The following PDIA4 variants were observed in gnomAD, a reference collection of about 807,000 sequenced individuals.
PDIA4 encodes the protein protein disulfide isomerase family A member 4, also known as protein disulfide-isomerase A4.
Under a neutral mutation model 62.1 loss-of-function variants are expected in PDIA4, and 33 were observed. The ratio of observed to expected loss-of-function variants is 0.53; its 90% CI spans 0.40 to 0.71. The LOEUF (loss-of-function observed/expected upper bound fraction) is 0.71, where lower values mean the gene tolerates loss of function less well. Among genes scored for constraint, PDIA4 ranks in the 30% least tolerant of loss-of-function variants. The pLI, the probability that PDIA4 is intolerant of heterozygous loss-of-function variation, is 0.00. For synonymous variants in PDIA4, 341 were observed against 324.1 expected, an observed-to-expected ratio of 1.05 and a Z score of -0.56; for missense variants, 804 against 813.6, an observed-to-expected ratio of 0.99 and a Z score of 0.14.
Position 149,005,892 on chromosome 7 carries a change from C to T in PDIA4, c.1288+5G>A, listed in dbSNP as rs1323468273. ...CCCCCGCAGGTCTTGGTGGGGGTCC[C>T]TCACCAGCTCTGTAATCAAAGCTGA... is the stretch of plus-strand genomic sequence containing the variant. On this transcript the variant is annotated splice_donor_5th_base_variant and intron_variant, in intron 8 of 9. Coordinates refer to ENST00000652332, the MANE Select transcript of PDIA4 (RefSeq NM_004911.5). The T allele has an allele frequency of 6.7e-7, 1 of 1,501,190 alleles. No individual in the cohort carries two copies. Among genetic ancestry groups the T allele is most frequent in the Non-Finnish European group, 8.8e-7 (1 of 1,133,424 alleles). 93.0% of individuals were successfully genotyped at this position (1,501,190 alleles called of 1,614,324 possible).
Position 149,005,088 on chromosome 7 carries a change from G to C in PDIA4, c.1522+53C>G, listed in dbSNP as rs372801465. On this transcript the variant is annotated intron_variant, in intron 9 of 9. Transcript: ENST00000652332. The stretch of plus-strand genomic sequence containing the variant: ...GACGCCCCTGGCCTGTCTGGATTCC[G>C]CACGAGGAGCACAGCAGCTGATGGG... The C allele has an allele frequency of 7.7e-5, 110 of 1,428,074 alleles. 1 individual carries two copies. In the Admixed American group the frequency reaches 1.8e-3, roughly 23 times the overall value. The allele number at this position is 1,428,074 out of a possible 1,614,324, so 88.5% of individuals were successfully genotyped here. A position where few individuals can be genotyped will look rare whatever the true frequency, so the allele number is the denominator to read the frequency against.
chr7:149,004,202 C>G lies in PDIA4; in HGVS notation c.1530G>C (p.Leu510=). Residue 510 remains leucine (L), a synonymous_variant, in exon 10 of 10, where the codon CTG becomes CTC. Transcript: ENST00000652332. ...EFVTAFKKGK[L]KPVIKSQPVP... is the part of the protein sequence containing the mutation. ...CTGGCTGGGATTTGATGACTGGCTT[C>G]AGTTTTCCTGCCAAGGAAAGCAAGG... is the stretch of plus-strand genomic sequence containing the variant. 1 of 1,611,098 alleles carries G rather than the reference C, an allele frequency of 6.2e-7. No individual in the cohort carries two copies. The highest frequency in any genetic ancestry group is 2.2e-5 in the East Asian group (1 of 44,820).
chr7:149,005,077 G>A (rs941984385), intron 9 of PDIA4, 64 bp downstream of exon 9: 1 of 1,343,816 alleles, frequency 7.4e-7, no homozygotes, highest in Non-Finnish European at 1.1e-6. Context: ...CCCCTGGCCT[G>A]TCTGGATTCC....
chr7:149,027,649 T>C (rs1824603861), intron 1 of PDIA4, among the ~76,000 whole-genome samples: 2 of 149,400 alleles, frequency 1.3e-5, no homozygotes, highest in South Asian at 4.1e-4. Context: ...CATGAAGTAG[T>C]TGTTACTATT....
At chr7:149,004,587 C>T (rs1422573565) in intron 9 of PDIA4, among the ~76,000 whole-genome samples, 4 of 152,196 alleles carry the variant, frequency 2.6e-5, no homozygotes, top group African/African-American at 7.2e-5. Flanking sequence ...ATGTGGCCAG[C>T]GCTGGGGGCC....
intron 9 of PDIA4, among the ~76,000 whole-genome samples, chr7:149,004,552 C>T (rs952332268): frequency 4.6e-5 from 7 of 152,214 alleles, no homozygotes; most frequent in Non-Finnish European, 8.8e-5. Context: ...CCACAGACAT[C>T]GGAACAGCAT....
intron 4 of PDIA4, among the ~76,000 whole-genome samples, chr7:149,014,006 T>C (rs1824041075): frequency 6.6e-6 from 1 of 152,164 alleles, no homozygotes; most frequent in Middle Eastern, 3.4e-3. Context: ...GTTAGAAGGG[T>C]GCCCCACGTG....
chr7:149,005,030 TA>T, intron 9 of PDIA4, 110 bp downstream of exon 9: 2 of 795,890 alleles, frequency 2.5e-6, no homozygotes, highest in Non-Finnish European at 4.4e-6. Flanking sequence ...CTGGCTGACT[TA>T]AGGGGGTGTC....
In PDIA4 at chr7:149,021,090, T is replaced by A; in HGVS notation, c.146A>T (p.Asp49Val). 6 of 1,612,708 alleles carry A rather than the reference T, an allele frequency of 3.7e-6. No individual in the cohort carries two copies. The highest frequency in any genetic ancestry group is 4.2e-6 in the Non-Finnish European group (5 of 1,179,066). Residue 49 changes from aspartate (D) to valine (V), a missense_variant, in exon 2 of 10, where the codon GAT (aspartate) becomes GTT (valine). Asp to Val is a radical substitution (Grantham distance 152). Coordinates refer to ENST00000652332, the MANE Select transcript of PDIA4 (RefSeq NM_004911.5). ...EDEEEEEEED[D>V]DEEEDDLEVK... ...TTCCAAGTCGTCTTCTTCCTCATCA[T>A]CATCTTCCTCCTCCTCCTCCTCTTC...
intron 4 of PDIA4, among the ~76,000 whole-genome samples, chr7:149,013,046 G>T (rs1824006403): frequency 6.6e-6 from 1 of 152,048 alleles, no homozygotes; most frequent in Non-Finnish European, 1.5e-5. Context: ...CCAGGAGTTT[G>T]AGACCAGCCT....
chr7:149,018,904 G>C, intron 3 of PDIA4, 88 bp downstream of exon 3: 3 of 911,000 alleles, frequency 3.3e-6, no homozygotes, highest in South Asian at 1.4e-5. Context: ...TCAGTCCCTG[G>C]TACCCTCAGC....
In PDIA4 at chr7:149,003,863, ATC is replaced by A. The variant is rs1585408874; in HGVS notation, c.1867_1868del (p.Asp623SerfsTer26). The stretch of plus-strand genomic sequence containing the variant: ...CTATAAACTTGCTCAAATGCTCCAG[ATC>A]TCTGTCTCCACCCTCAAATTTAACT... ...NPVKFEGGDR[D>X]LEHLSKFIEE... is the part of the protein sequence containing the mutation. On this transcript the variant is annotated frameshift_variant, in exon 10 of 10. Transcript: ENST00000652332. LOFTEE classifies it high-confidence loss of function. The A allele has an allele frequency of 6.2e-7, 1 of 1,609,968 alleles. No homozygotes were observed. The highest frequency in any genetic ancestry group is 2.2e-5 in the East Asian group (1 of 44,842).
rs187775839 is a variant in PDIA4 at position 149,013,454 on chromosome 7, G to C, written c.615-1094C>G. ...TGCTTCCAGAAGCTGAGGCGGGAGG[G>C]TCGCTTGAGGCCAGGAGTTCAAGAC... On this transcript the variant is annotated intron_variant, in intron 4 of 9. Transcript: ENST00000652332. 1.2e-3 allele frequency among the ~76,000 whole-genome samples: 183 copies of C among 151,948 alleles called. 1 individual carries two copies. Among genetic ancestry groups the C allele is most frequent in the African/African-American group, 4.2e-3 (176 of 41,462 alleles).
At chr7:149,026,231 A>T (rs1055522343) in intron 1 of PDIA4, among the ~76,000 whole-genome samples, 1 of 152,222 alleles carries the variant, frequency 6.6e-6, no homozygotes, top group Non-Finnish European at 1.5e-5. Context: ...GGGATGAGAA[A>T]GGGTCAAGGT....
Position 149,018,261 on chromosome 7 carries a change from T to G in PDIA4, c.475+731A>C, listed in dbSNP as rs547259450. On this transcript the variant is annotated intron_variant, in intron 3 of 9. Transcript: ENST00000652332. ...AAATAAAAAAGAAATGCAAATTATC[T>G]GGCCTGACTTGTACTGTATCTGGCC... 6.6e-5 allele frequency among the ~76,000 whole-genome samples: 10 copies of G among 152,140 alleles called. No individual in the cohort carries two copies. The East Asian group carries it at 1.9e-3, about 29-fold the overall frequency.
chr7:149,006,988 G>A (rs1194771301), intron 7 of PDIA4, among the ~76,000 whole-genome samples: 3 of 152,316 alleles, frequency 2.0e-5, no homozygotes, highest in African/African-American at 4.8e-5. Context: ...ACACAGAGCT[G>A]TGTCCGATTC....
At chr7:149,018,638 G>A (rs1824229119) in intron 3 of PDIA4, among the ~76,000 whole-genome samples, 1 of 152,032 alleles carries the variant, frequency 6.6e-6, no homozygotes, top group African/African-American at 2.4e-5. Flanking sequence ...CACCATGTTG[G>A]TCAGGCTGGT....
chr7:149,023,396 A>G (rs1453231285), intron 1 of PDIA4, among the ~76,000 whole-genome samples: 1 of 152,216 alleles, frequency 6.6e-6, no homozygotes, highest in Non-Finnish European at 1.5e-5. Context: ...GCTGAAATAC[A>G]CATCTTGTGC....
chr7:149,025,085 A>AAAT (rs1554446854), intron 1 of PDIA4, among the ~76,000 whole-genome samples: 8 of 22,364 alleles, frequency 3.6e-4, no homozygotes, highest in East Asian at 3.0e-3. Context: ...AAAAAAAAAA[A>AAAT]ATATATATAT....
Sources: gnomAD v4.1 joint callset for allele counts (sites outside exome capture counted in the v4.1 genomes callset) on GRCh38, gnomAD v4.1.1 for gene constraint, MANE v1.5 for transcripts, NCBI Gene and HGNC (gene_info 2026-07-23, HGNC 2026-07-21) for gene names.